The following TDRD12 variants were observed in gnomAD, a reference collection of about 807,000 sequenced individuals.
The protein encoded by TDRD12 is tudor domain containing 12, also known as putative ATP-dependent RNA helicase TDRD12.
Under a neutral mutation model 133.5 loss-of-function variants are expected in TDRD12, and 158 were observed. The observed-to-expected ratio is 1.18, with a 90% CI of 1.04 to 1.35. The LOEUF (loss-of-function observed/expected upper bound fraction) is 1.35, where lower values mean the gene tolerates loss of function less well. Among genes scored for constraint, TDRD12 ranks in the 40% most tolerant of loss-of-function variants. The pLI is 0.00. For synonymous variants in TDRD12, 460 were observed against 477.9 expected (o/e 0.96, Z 0.49); for missense variants, 1,443 against 1,321.3 (o/e 1.09, Z -1.43).
intron 22 of TDRD12, among the ~76,000 whole-genome samples, chr19:32,809,546 CACTG>C (rs1279735236): frequency 6.6e-6 from 1 of 152,172 alleles, no homozygotes; most frequent in Non-Finnish European, 1.5e-5. Context: ...GCCCTCTGCA[CACTG>C]ACTTTTTCCT....
At chr19:32,806,556 G>T (rs1412051770) in intron 21 of TDRD12, among the ~76,000 whole-genome samples, 2 of 151,858 alleles carry the variant, frequency 1.3e-5, no homozygotes, top group Non-Finnish European at 2.9e-5. Flanking sequence ...TGGCCATGCT[G>T]GTCTCAAACC....
intron 25 of TDRD12, among the ~76,000 whole-genome samples, chr19:32,814,611 G>A (rs1967113862): frequency 6.6e-6 from 1 of 152,166 alleles, no homozygotes; most frequent in Non-Finnish European, 1.5e-5. Context: ...GTTGGGGGGA[G>A]AAAAGCAGAT....
chr19:32,768,064 A>G (rs1399345982), intron 8 of TDRD12, among the ~76,000 whole-genome samples: 1 of 152,206 alleles, frequency 6.6e-6, no homozygotes, highest in Non-Finnish European at 1.5e-5. Context: ...TCATTTTCTT[A>G]CATATTGTAT....
At chr19:32,747,856 A>AT (rs1491469346) in intron 4 of TDRD12, among the ~76,000 whole-genome samples, 2 of 151,714 alleles carry the variant, frequency 1.3e-5, no homozygotes, top group Non-Finnish European at 2.9e-5. Flanking sequence ...TAAAAAAAAA[A>AT]TTTTTTTTAA....
intron 14 of TDRD12, among the ~76,000 whole-genome samples, chr19:32,795,401 A>C (rs905787784): frequency 1.3e-5 from 2 of 152,034 alleles, no homozygotes; most frequent in African/African-American, 4.8e-5. Flanking sequence ...GCTGTCACAG[A>C]CCTGAGTCTA....
intron 2 of TDRD12, among the ~76,000 whole-genome samples, chr19:32,735,543 G>A (rs1299054498): frequency 6.6e-6 from 1 of 152,244 alleles, no homozygotes; most frequent in Non-Finnish European, 1.5e-5. Flanking sequence ...AAGGGCTGAT[G>A]GAGAGGCTGC....
At position 32,749,982 on chromosome 19, in the gene TDRD12, T is replaced by TA. The variant is rs750273919; in HGVS notation, c.582+115dup. ...AGTTCGTACAGCATAGAAATTGTCT[T>TA]AATCTCTTAAGGTCTATCTTAGACC... On this transcript the variant is annotated intron_variant, in intron 6 of 27. Transcript: ENST00000444215. 6.5e-4 allele frequency: 504 copies of TA among 780,338 alleles called. 8 individuals carry two copies. The South Asian group carries it at 6.5e-3, about 10-fold the overall frequency. 48.3% of individuals were successfully genotyped at this position (780,338 alleles called of 1,614,324 possible).
chr19:32,815,650 G>GAC, intron 26 of TDRD12, 30 bp downstream of exon 26: 2 of 1,516,344 alleles, frequency 1.3e-6, no homozygotes, highest in Non-Finnish European at 1.8e-6. Context: ...CTTTTTGGAA[G>GAC]AGTTGTTTTT....
At chr19:32,731,610 T>G (rs1969056560) in intron 1 of TDRD12, 115 bp from the exon 2 acceptor site, 2 of 942,150 alleles carry the variant, frequency 2.1e-6, no homozygotes. Context: ...AAGGCATTTG[T>G]CAAGAATTTG....
chr19:32,824,901 C>G (rs1347693517), downstream of TDRD12, among the ~76,000 whole-genome samples: 1 of 152,216 alleles, frequency 6.6e-6, no homozygotes, highest in African/African-American at 2.4e-5. Context: ...CTGAGACTCC[C>G]TCAGTCCCTT....
At chr19:32,739,712 G>GT (rs1240035336) in intron 3 of TDRD12, among the ~76,000 whole-genome samples, 2 of 137,882 alleles carry the variant, frequency 1.5e-5, no homozygotes, top group East Asian at 2.1e-4. Flanking sequence ...GCATCTCCTG[G>GT]GTACTCTCTG....
At chr19:32,781,091 C>CA (rs1423806426) in intron 11 of TDRD12, among the ~76,000 whole-genome samples, 1 of 151,890 alleles carries the variant, frequency 6.6e-6, no homozygotes, top group Non-Finnish European at 1.5e-5. Flanking sequence ...TACAGGCACC[C>CA]ACCATCACGC....
chr19:32,776,929 C>A (rs1970599980), intron 10 of TDRD12, among the ~76,000 whole-genome samples: 1 of 152,120 alleles, frequency 6.6e-6, no homozygotes, highest in Non-Finnish European at 1.5e-5. Flanking sequence ...GCTCTTGTTG[C>A]CCAGGCTGGA....
At chr19:32,770,105 T>C (rs1053212147) in intron 8 of TDRD12, among the ~76,000 whole-genome samples, 9 of 151,196 alleles carry the variant, frequency 6.0e-5, no homozygotes, top group African/African-American at 1.9e-4. Flanking sequence ...CTCCCAACTT[T>C]AAGCAATTCT....
chr19:32,778,341 C>A (rs183070848), intron 11 of TDRD12, among the ~76,000 whole-genome samples: 1 of 152,088 alleles, frequency 6.6e-6, no homozygotes, highest in Non-Finnish European at 1.5e-5. Context: ...ACTGACACCC[C>A]CCTCCCAGGG....
chr19:32,760,045 A>G (rs938883960), intron 8 of TDRD12, among the ~76,000 whole-genome samples: 26 of 152,242 alleles, frequency 1.7e-4, no homozygotes, highest in Non-Finnish European at 1.0e-4. Context: ...ATGGGCATGT[A>G]TTCTTTCCAT....
At chr19:32,796,671 G>A (rs1046715953) in intron 14 of TDRD12, among the ~76,000 whole-genome samples, 5 of 152,256 alleles carry the variant, frequency 3.3e-5, no homozygotes, top group African/African-American at 1.2e-4. Flanking sequence ...TTACTTAGCA[G>A]CAGACTAATG....
chr19:32,727,709 C>T (rs989917107), intron 1 of TDRD12, among the ~76,000 whole-genome samples: 1 of 151,926 alleles, frequency 6.6e-6, no homozygotes, highest in Non-Finnish European at 1.5e-5. Context: ...CACTCTGTTA[C>T]CCAGGCCGGA....
At chr19:32,795,336 A>AAAG (rs1491218592) in intron 14 of TDRD12, among the ~76,000 whole-genome samples, 401 of 27,510 alleles carry the variant, frequency 0.015, 3 homozygotes, top group African/African-American at 0.076. Context: ...TCCATCTCAG[A>AAAG]AAAAAAAAAA....
Sources: gnomAD v4.1 joint callset for allele counts (sites outside exome capture counted in the v4.1 genomes callset) on GRCh38, gnomAD v4.1.1 for gene constraint, MANE v1.5 for transcripts, NCBI Gene and HGNC (gene_info 2026-07-23, HGNC 2026-07-21) for gene names.